The following CREB5 variants were observed in gnomAD, a reference collection of about 807,000 sequenced individuals.
CREB5 encodes cyclic AMP-responsive element-binding protein 5.
CREB5 carries 19 observed loss-of-function variants against 57.1 expected under a neutral mutation model. The observed-to-expected ratio is 0.33, with a 90% CI of 0.23 to 0.49. The LOEUF is 0.49. CREB5 is among the 20% of genes least tolerant of loss of function. The probability of loss-of-function intolerance (pLI) is 0.99; values close to 1 mark genes in which losing one functional copy is unlikely to be tolerated. For missense variants in CREB5, 579 were observed against 671.6 expected (o/e 0.86, Z 1.52); for synonymous variants, 238 against 238.3 (o/e 1.00, Z 0.01).
intron 5 of CREB5, among the ~76,000 whole-genome samples, chr7:28,701,387 A>G (rs1228838617): frequency 2.0e-5 from 3 of 152,222 alleles, no homozygotes; most frequent in Non-Finnish European, 4.4e-5. Context: ...AATTCCATCA[A>G]TGGCAGATAA....
At chr7:28,524,398 A>C (rs978727528) in intron 4 of CREB5, among the ~76,000 whole-genome samples, 1 of 151,800 alleles carries the variant, frequency 6.6e-6, no homozygotes, top group Middle Eastern at 3.4e-3. Context: ...CCACCTAATC[A>C]GGAGGCTGAG....
At chr7:28,560,811 TGTGTGTGTGTGCGCGCGCGC>T (rs1795068602) in intron 4 of CREB5, among the ~76,000 whole-genome samples, 6 of 34,454 alleles carry the variant, frequency 1.7e-4, no homozygotes, top group African/African-American at 3.2e-4. Context: ...TGTGTGCGCG[TGTGTGTGTGTGCGCGCGCGC>T]GCGTGTGTGT....
At chr7:28,442,231 A>G (rs1789220157) in intron 1 of CREB5, among the ~76,000 whole-genome samples, 1 of 152,144 alleles carries the variant, frequency 6.6e-6, no homozygotes, top group South Asian at 2.1e-4. Flanking sequence ...GTTTAGCATA[A>G]TGTCCCCCGG....
chr7:28,765,078 T>C lies in CREB5; in HGVS notation c.703-39121T>C, dbSNP rs140189638. Among the ~76,000 whole-genome samples the C allele has an allele frequency of 3.3e-4, 51 of 152,346 alleles. 1 individual carries two copies. The East Asian group carries it at 6.2e-3, about 18-fold the overall frequency. On this transcript the variant is annotated intron_variant, in intron 7 of 10. Transcript: ENST00000357727. ...AAGATGAGCTGATTATCTCACTGTA[T>C]TTATGTTACTGACATTTTTATTCTT...
intron 1 of CREB5, among the ~76,000 whole-genome samples, chr7:28,377,777 A>G (rs952441740): frequency 6.6e-6 from 1 of 151,652 alleles, no homozygotes; most frequent in Admixed American, 6.6e-5. Flanking sequence ...AAAATACAAA[A>G]AAAAATTAGC....
At chr7:28,731,711 T>C (rs983169860) in intron 7 of CREB5, among the ~76,000 whole-genome samples, 11 of 152,170 alleles carry the variant, frequency 7.2e-5, no homozygotes, top group African/African-American at 2.4e-4. Context: ...CTTTCTAAGG[T>C]GATAGCTTAT....
At chr7:28,440,930 T>C (rs1335543030) in intron 1 of CREB5, among the ~76,000 whole-genome samples, 1 of 152,224 alleles carries the variant, frequency 6.6e-6, no homozygotes, top group Non-Finnish European at 1.5e-5. Context: ...TTGGGTGCAT[T>C]GGGATATATA....
chr7:28,664,471 T>C (rs1423214567), intron 5 of CREB5, among the ~76,000 whole-genome samples: 1 of 152,198 alleles, frequency 6.6e-6, no homozygotes, highest in East Asian at 1.9e-4. Context: ...TTCCTTTCTC[T>C]CTCCAAGTAT....
At chr7:28,507,873 T>C in intron 4 of CREB5, 136 bp downstream of exon 4, 1 of 1,123,414 alleles carries the variant, frequency 8.9e-7, no homozygotes, top group Non-Finnish European at 1.2e-6. Context: ...TTGTCTAATT[T>C]TTTTTAAAAG....
chr7:28,593,323 A>G (rs1796589419), intron 5 of CREB5, among the ~76,000 whole-genome samples: 4 of 152,140 alleles, frequency 2.6e-5, no homozygotes, highest in Admixed American at 2.0e-4. Context: ...ATCTCGGCTC[A>G]CTATAACCTC....
intron 1 of CREB5, among the ~76,000 whole-genome samples, chr7:28,321,334 G>A (rs185502060): frequency 1.3e-5 from 2 of 152,016 alleles, no homozygotes; most frequent in East Asian, 1.9e-4. Context: ...AAATGGCCAG[G>A]GCTGGCTATA....
chr7:28,701,844 T>G (rs1462361092), intron 5 of CREB5, among the ~76,000 whole-genome samples: 1 of 152,236 alleles, frequency 6.6e-6, no homozygotes, highest in East Asian at 1.9e-4. Context: ...ACAAAATATT[T>G]AAAGTATGTT....
chr7:28,476,054 G>A (rs1002514881), intron 1 of CREB5, among the ~76,000 whole-genome samples: 2 of 152,090 alleles, frequency 1.3e-5, no homozygotes, highest in African/African-American at 4.8e-5. Flanking sequence ...CCAACGCAGT[G>A]GAATGAAAAA....
At chr7:28,679,950 C>T (rs1800507306) in intron 5 of CREB5, among the ~76,000 whole-genome samples, 1 of 152,162 alleles carries the variant, frequency 6.6e-6, no homozygotes, top group Non-Finnish European at 1.5e-5. Context: ...CCCAAAGAGC[C>T]AGGCAGGCCC....
chr7:28,464,496 CGTGTGTGTGTGTGTGTGTGT>C (rs71555745), intron 1 of CREB5, among the ~76,000 whole-genome samples: 6 of 139,574 alleles, frequency 4.3e-5, no homozygotes, highest in African/African-American at 1.4e-4. Context: ...TGGAAAGTTG[CGTGTGTGTGTGTGTGTGTGT>C]GTGTGTGTGT....
chr7:28,421,960 C>T (rs148659578), intron 1 of CREB5, among the ~76,000 whole-genome samples: 7 of 29,572 alleles, frequency 2.4e-4, no homozygotes, highest in Non-Finnish European at 3.4e-4. Flanking sequence ...CTGAGATCAA[C>T]GAAAAAGTCA....
intron 7 of CREB5, among the ~76,000 whole-genome samples, chr7:28,794,389 G>A (rs1223212056): frequency 6.6e-6 from 1 of 152,168 alleles, no homozygotes; most frequent in East Asian, 1.9e-4. Flanking sequence ...ACATTACATA[G>A]TTAGGCACTA....
chr7:28,497,003 A>T (rs1792086396), intron 3 of CREB5, among the ~76,000 whole-genome samples: 1 of 152,354 alleles, frequency 6.6e-6, no homozygotes, highest in South Asian at 2.1e-4. Flanking sequence ...GCATAGATAC[A>T]CAAGTAGCAA....
chr7:28,568,819 C>A (rs758002737), intron 4 of CREB5, among the ~76,000 whole-genome samples: 8 of 152,164 alleles, frequency 5.3e-5, no homozygotes, highest in Non-Finnish European at 1.2e-4. Flanking sequence ...CACAGCCACC[C>A]CAAATACCGT....
Sources: allele counts gnomAD v4.1 joint callset (sites outside exome capture counted in the v4.1 genomes callset), GRCh38; gene constraint gnomAD v4.1.1; transcripts MANE v1.5; gene names NCBI Gene and HGNC (gene_info 2026-07-23, HGNC 2026-07-21).